The following PRUNE2 variants were observed in gnomAD, a reference collection of about 807,000 sequenced individuals.
PRUNE2 encodes protein prune homolog 2.
PRUNE2 carries 164 observed loss-of-function variants against 252.0 expected under a neutral mutation model. The observed-to-expected ratio is 0.65, with a 90% CI of 0.57 to 0.74. The LOEUF is 0.74. Among genes scored for constraint, PRUNE2 ranks in the 30% least tolerant of loss-of-function variants. The pLI, the probability that PRUNE2 is intolerant of heterozygous loss-of-function variation, is 0.00. For missense variants in PRUNE2, 3,495 were observed against 3,711.0 expected (o/e 0.94, Z 1.51); for synonymous variants, 1,292 against 1,350.2 (o/e 0.96, Z 0.94).
chr9:76,703,896 C>T lies in PRUNE2; in HGVS notation c.7717G>A (p.Ala2573Thr), dbSNP rs56261747. ...PETCEERESI[A>T]ELELYVGSKE... ...GAACCTACATACAATTCTAATTCAG[C>T]TATGCTTTCTCTTTCTTCACAGGTC... The change falls in exon 9 of 19, where the codon GCT becomes ACT. Residue 2573 changes from alanine (A) to threonine (T), a missense_variant. Physicochemically the swap from Ala to Thr is moderately conservative, Grantham distance 58. Coordinates refer to ENST00000376718, the MANE Select transcript of PRUNE2 (RefSeq NM_015225.3). 0.027 allele frequency: 42,952 copies of T among 1,613,796 alleles called. 781 individuals carry two copies. The highest frequency in any genetic ancestry group is 0.089 in the African/African-American group (6,686 of 74,968).
chr9:76,739,243 A>G (rs1208940118), intron 6 of PRUNE2: 2 of 152,206 alleles, frequency 1.3e-5, no homozygotes, highest in Non-Finnish European at 2.9e-5. Flanking sequence ...TAAATGCTAG[A>G]GTGCAGGAGT....
intron 6 of PRUNE2, 198 bp downstream of exon 6, chr9:76,823,434 T>A: frequency 1.9e-6 from 1 of 526,444 alleles, no homozygotes. Context: ...ATCTTGAGAA[T>A]CCAGGTTTGG....
Position 76,854,204 on chromosome 9 carries a change from C to A in PRUNE2, c.41G>T (p.Arg14Leu). 1.3e-6 allele frequency: 2 copies of A among 1,572,306 alleles called. No homozygotes were observed. The highest frequency in any genetic ancestry group is 2.3e-5 in the East Asian group (1 of 44,262). The change falls in exon 2 of 19, where the codon CGA becomes CTA. Residue 14 changes from arginine (R) to leucine (L), a missense_variant. Coordinates refer to ENST00000376718, the MANE Select transcript of PRUNE2 (RefSeq NM_015225.3). ...ATGGACCTTCTCCAAGCGTTTGCTT[C>A]GATTCTGAAACAAATTCAAAGGAAA... Reference protein sequence around the residue: ...FLQRAKSKLNRSKRLEKVHVV... With the variant: ...FLQRAKSKLNLSKRLEKVHVV...
At chr9:76,780,547 C>T (rs1185172053) in intron 6 of PRUNE2, among the ~76,000 whole-genome samples, 2 of 151,982 alleles carry the variant, frequency 1.3e-5, no homozygotes, top group Non-Finnish European at 2.9e-5. Flanking sequence ...AAAAATTAGC[C>T]AGGCATGGTG....
chr9:76,877,098 T>C (rs2061516886), intron 1 of PRUNE2, among the ~76,000 whole-genome samples: 1 of 152,088 alleles, frequency 6.6e-6, no homozygotes, highest in South Asian at 2.1e-4. Flanking sequence ...ATCATTAAGA[T>C]TCCCTTCAAG....
At chr9:76,727,877 G>A (rs2048255505) in intron 6 of PRUNE2, among the ~76,000 whole-genome samples, 1 of 151,614 alleles carries the variant, frequency 6.6e-6, no homozygotes, top group Non-Finnish European at 1.5e-5. Flanking sequence ...ACCATGCTTG[G>A]CTAATTTTTG....
chr9:76,881,280 T>C (rs1240935779), intron 1 of PRUNE2, among the ~76,000 whole-genome samples: 4 of 152,144 alleles, frequency 2.6e-5, no homozygotes, highest in Admixed American at 2.6e-4. Context: ...CATTAATTTT[T>C]AAGAGTGGAA....
intron 6 of PRUNE2, among the ~76,000 whole-genome samples, chr9:76,735,011 C>T (rs2048953573): frequency 6.6e-6 from 1 of 151,868 alleles, no homozygotes; most frequent in South Asian, 2.1e-4. Flanking sequence ...AAAAGGCAAG[C>T]CCTGGAGCTA....
intron 6 of PRUNE2, among the ~76,000 whole-genome samples, chr9:76,800,385 C>T (rs577082106): frequency 3.3e-5 from 5 of 152,162 alleles, no homozygotes; most frequent in Admixed American, 1.3e-4. Flanking sequence ...TGAATTCATC[C>T]TTTTTTAATC....
intron 9 of PRUNE2, among the ~76,000 whole-genome samples, chr9:76,685,137 G>A (rs1403419343): frequency 1.3e-5 from 2 of 152,220 alleles, no homozygotes; most frequent in Non-Finnish European, 2.9e-5. Flanking sequence ...AAATGGGAAT[G>A]AGAGGACAGA....
chr9:76,660,002 G>A (rs758738885), intron 9 of PRUNE2, among the ~76,000 whole-genome samples: 2 of 151,968 alleles, frequency 1.3e-5, no homozygotes, highest in South Asian at 2.1e-4. Context: ...GTCTGACAAG[G>A]TGTAAAGCCA....
rs2057284761 is a variant in PRUNE2 at position 76,810,495 on chromosome 9, C to A, written c.756+13137G>T. On this transcript the variant is annotated intron_variant, in intron 6 of 18. Coordinates refer to ENST00000376718, the MANE Select transcript of PRUNE2 (RefSeq NM_015225.3). ...AATACAAGAAGACAATAATAAACAA[C>A]CAAAGCTTAGTTGTAGCATCTTACC... Among the ~76,000 whole-genome samples the A allele has an allele frequency of 2.0e-5, 3 of 152,166 alleles. No individual in the cohort carries two copies. In the South Asian group the frequency reaches 6.2e-4, roughly 32 times the overall value.
At chr9:76,889,879 A>G (rs1475410375) in intron 1 of PRUNE2, among the ~76,000 whole-genome samples, 1 of 152,180 alleles carries the variant, frequency 6.6e-6, no homozygotes, top group Non-Finnish European at 1.5e-5. Context: ...GGACAGCAGC[A>G]TTGCCATCTC....
Position 76,797,358 on chromosome 9 carries a change from T to C in PRUNE2, c.756+26274A>G, listed in dbSNP as rs200748632. ...TTCTGGTTTGAGATTGAGGTGATGA[T>C]AGTCAAGGGTGAGTTCAGCTGTTTT... On this transcript the variant is annotated intron_variant, in intron 6 of 18. Transcript: ENST00000376718. Among the ~76,000 whole-genome samples, 35 of 152,220 alleles carry C rather than the reference T, an allele frequency of 2.3e-4. No homozygotes were observed. In the East Asian group the frequency reaches 6.6e-3, roughly 29 times the overall value.
chr9:76,646,030 A>C (rs1226049801), intron 11 of PRUNE2, among the ~76,000 whole-genome samples: 3 of 152,214 alleles, frequency 2.0e-5, no homozygotes, highest in African/African-American at 7.2e-5. Flanking sequence ...CAGTTACTAA[A>C]CAAATATAGT....
At chr9:76,685,607 G>A (rs924926997) in intron 9 of PRUNE2, among the ~76,000 whole-genome samples, 1 of 152,180 alleles carries the variant, frequency 6.6e-6, no homozygotes, top group Admixed American at 6.5e-5. Context: ...CACACACAGA[G>A]GGAAGACCGG....
In PRUNE2 at chr9:76,885,326, T is replaced by C. The variant is rs182399981; in HGVS notation, c.36+20602A>G. ...TTTTATAAGATGACATAATGCCTTC[T>C]AGCTTGGTGCTATAAAGGCTGAAAA... On this transcript the variant is annotated intron_variant, in intron 1 of 18. Coordinates refer to ENST00000376718, the MANE Select transcript of PRUNE2 (RefSeq NM_015225.3). Among the ~76,000 whole-genome samples the C allele has an allele frequency of 3.3e-3, 496 of 152,350 alleles. 3 individuals carry two copies. Among genetic ancestry groups the C allele is most frequent in the African/African-American group, 0.011 (475 of 41,584 alleles).
At chr9:76,836,996 T>A (rs973897813) in intron 4 of PRUNE2, among the ~76,000 whole-genome samples, 1 of 152,228 alleles carries the variant, frequency 6.6e-6, no homozygotes, top group Non-Finnish European at 1.5e-5. Flanking sequence ...AACATTGATA[T>A]GTAGCTACAG....
chr9:76,786,405 G>A (rs2054984096), intron 6 of PRUNE2: 1 of 152,452 alleles, frequency 6.6e-6, no homozygotes, highest in African/African-American at 2.4e-5. Context: ...CCATCTCTGT[G>A]AGCCACAACC....
Sources: gnomAD v4.1 joint callset for allele counts (sites outside exome capture counted in the v4.1 genomes callset) on GRCh38, gnomAD v4.1.1 for gene constraint, MANE v1.5 for transcripts, NCBI Gene and HGNC (gene_info 2026-07-23, HGNC 2026-07-21) for gene names.